The following WWOX variants were observed in gnomAD, a reference collection of about 807,000 sequenced individuals.
The protein encoded by WWOX is WW domain-containing oxidoreductase.
A neutral mutation model predicts 46.2 loss-of-function variants in WWOX; 69 were observed. That is an observed-to-expected ratio of 1.49 (90% CI 1.23 to 1.82). WWOX has a LOEUF of 1.82. Among genes scored for constraint, WWOX ranks in the 40% most tolerant of loss-of-function variants. The pLI, the probability that WWOX is intolerant of heterozygous loss-of-function variation, is 0.00. For missense variants in WWOX, 919 were observed against 542.6 expected (o/e 1.69, Z -6.89); for synonymous variants, 359 against 202.6 (o/e 1.77, Z -6.56).
intron 8 of WWOX, among the ~76,000 whole-genome samples, chr16:79,045,961 C>G (rs71398124): frequency 1.3e-5 from 2 of 151,858 alleles, no homozygotes; most frequent in Non-Finnish European, 2.9e-5. Flanking sequence ...ACCACCATGG[C>G]TGGCTAATTT....
At chr16:78,488,355 T>C (rs2084691219) in intron 8 of WWOX, among the ~76,000 whole-genome samples, 1 of 152,060 alleles carries the variant, frequency 6.6e-6, no homozygotes, top group Non-Finnish European at 1.5e-5. Context: ...CTGAGTTCAT[T>C]TTCTAGTCTA....
Position 78,790,935 on chromosome 16 carries a change from C to G in WWOX, c.1056+358183C>G, listed in dbSNP as rs553492824. Among the ~76,000 whole-genome samples, 15 of 145,928 alleles carry G rather than the reference C, an allele frequency of 1.0e-4. No individual in the cohort carries two copies. The South Asian group carries it at 3.0e-3, about 30-fold the overall frequency. On this transcript the variant is annotated intron_variant, in intron 8 of 8. Transcript: ENST00000566780. ...TCAGGAGGCTGAGGTGGGAGGATCACCTGAGCCCAGGAGATGGAGGTTGCA... is the reference window on the plus strand; with the variant it reads ...TCAGGAGGCTGAGGTGGGAGGATCAGCTGAGCCCAGGAGATGGAGGTTGCA...
chr16:78,752,085 TTGTC>T (rs1025611501), intron 8 of WWOX, among the ~76,000 whole-genome samples: 5 of 152,156 alleles, frequency 3.3e-5, no homozygotes, highest in Non-Finnish European at 1.5e-5. Flanking sequence ...TGGTAAAACT[TTGTC>T]TTTGTTTTAA....
At position 78,945,764 on chromosome 16, in the gene WWOX, G is replaced by A. The variant is rs1036909106; in HGVS notation, c.1057-265844G>A. On this transcript the variant is annotated intron_variant, in intron 8 of 8. Coordinates refer to ENST00000566780, the MANE Select transcript of WWOX (RefSeq NM_016373.4). ...GTTCCTGCAAATTGTTTTTATTTAG[G>A]GCTCATCTGGTATGTGTATTATGTT... Among the ~76,000 whole-genome samples, 7 of 151,628 alleles carry A rather than the reference G, an allele frequency of 4.6e-5. 2 individuals carry two copies. In the Middle Eastern group the frequency reaches 0.01, roughly 223 times the overall value.
At chr16:79,066,869 C>T (rs1439665453) in intron 8 of WWOX, among the ~76,000 whole-genome samples, 1 of 152,192 alleles carries the variant, frequency 6.6e-6, no homozygotes, top group Non-Finnish European at 1.5e-5. Flanking sequence ...GCCTCGATTT[C>T]ATTCCAGACT....
rs190470707 is a variant in WWOX, at chr16:78,809,060, A to G, written c.1056+376308A>G. ...TCATACCAACTGCAGCTAATGAGCT[A>G]TGGGCCCCGAGAAACACTGAGGACA... is the stretch of plus-strand genomic sequence containing the variant. On this transcript the variant is annotated intron_variant, in intron 8 of 8. Coordinates refer to ENST00000566780, the MANE Select transcript of WWOX (RefSeq NM_016373.4). Among the ~76,000 whole-genome samples, 38 of 152,226 alleles carry G rather than the reference A, an allele frequency of 2.5e-4. 1 individual carries two copies. The highest frequency in any genetic ancestry group is 5.0e-4 in the Non-Finnish European group (34 of 68,018).
chr16:78,380,015 C>T (rs536244115), intron 5 of WWOX, among the ~76,000 whole-genome samples: 53 of 152,288 alleles, frequency 3.5e-4, no homozygotes, highest in African/African-American at 1.2e-3. Context: ...GAATTTAGTC[C>T]TGTAAATGTT....
rs1567625767 is a variant in WWOX at position 79,211,944 on chromosome 16, T to G, written c.*148T>G. On this transcript the variant is annotated 3_prime_UTR_variant, in exon 9 of 9. Transcript: ENST00000566780. Reference sequence around the variant, plus strand: ...AGCAGTCACAACAGAGTGAAAAATCTTAAGTACCAATGGGAAGCAGGGAAT... The same window carrying G: ...AGCAGTCACAACAGAGTGAAAAATCGTAAGTACCAATGGGAAGCAGGGAAT... 6.5e-7 allele frequency: 1 copy of G among 1,537,268 alleles called. No homozygotes were observed. Among genetic ancestry groups the G allele is most frequent in the South Asian group, 1.2e-5 (1 of 84,200 alleles).
chr16:78,646,230 G>T (rs769709573), intron 8 of WWOX, among the ~76,000 whole-genome samples: 1 of 152,050 alleles, frequency 6.6e-6, no homozygotes, highest in Non-Finnish European at 1.5e-5. Flanking sequence ...TCTATTGCCA[G>T]GCTGATCTCG....
chr16:78,930,960 C>T (rs372243800), intron 8 of WWOX, among the ~76,000 whole-genome samples: 2 of 152,170 alleles, frequency 1.3e-5, no homozygotes, highest in Admixed American at 1.3e-4. Flanking sequence ...TGAACCTGGA[C>T]ATGTCACTAG....
intron 5 of WWOX, among the ~76,000 whole-genome samples, chr16:78,371,106 A>G (rs575886133): frequency 5.0e-4 from 76 of 151,526 alleles, no homozygotes; most frequent in African/African-American, 1.8e-3. Context: ...AGTGTGTAAC[A>G]TGATCTTTGA....
At chr16:78,273,890 C>G (rs990221198) in intron 5 of WWOX, among the ~76,000 whole-genome samples, 1 of 152,094 alleles carries the variant, frequency 6.6e-6, no homozygotes, top group African/African-American at 2.4e-5. Flanking sequence ...GTGGGGCACC[C>G]AAGTGGAAGT....
intron 8 of WWOX, among the ~76,000 whole-genome samples, chr16:78,549,326 T>C (rs1471432105): frequency 6.6e-6 from 1 of 152,348 alleles, no homozygotes; most frequent in African/African-American, 2.4e-5. Flanking sequence ...TCAACCTGAT[T>C]GAATCTGCTG....
At chr16:79,051,580 G>A (rs2048167795) in intron 8 of WWOX, among the ~76,000 whole-genome samples, 1 of 143,076 alleles carries the variant, frequency 7.0e-6, no homozygotes, top group African/African-American at 2.5e-5. Context: ...TGGGTGGGTG[G>A]GAGGGAGCGT....
intron 8 of WWOX, among the ~76,000 whole-genome samples, chr16:78,630,494 C>T (rs2046402414): frequency 6.6e-6 from 1 of 152,172 alleles, no homozygotes; most frequent in Admixed American, 6.5e-5. Flanking sequence ...AAACTGTGGA[C>T]ACTGAGTCCC....
intron 5 of WWOX, among the ~76,000 whole-genome samples, chr16:78,364,527 A>G (rs1441236635): frequency 6.6e-6 from 1 of 151,676 alleles, no homozygotes; most frequent in Non-Finnish European, 1.5e-5. Context: ...TCTCCCTGCA[A>G]CAAATAAATC....
At position 78,531,137 on chromosome 16, in the gene WWOX, A is replaced by G. The variant is rs116442212; in HGVS notation, c.1056+98385A>G. On this transcript the variant is annotated intron_variant, in intron 8 of 8. Coordinates refer to ENST00000566780, the MANE Select transcript of WWOX (RefSeq NM_016373.4). Reference sequence around the variant, plus strand: ...AGTCTTGGCATCTTTTTGGTAGAGAACCTTGCTAGGTTCTCACAATGTAGA... The same window carrying G: ...AGTCTTGGCATCTTTTTGGTAGAGAGCCTTGCTAGGTTCTCACAATGTAGA... Among the ~76,000 whole-genome samples the G allele has an allele frequency of 5.4e-3, 823 of 152,226 alleles. 10 individuals carry two copies. Among genetic ancestry groups the G allele is most frequent in the African/African-American group, 0.019 (796 of 41,534 alleles).
At chr16:79,058,172 A>G (rs2048299321) in intron 8 of WWOX, among the ~76,000 whole-genome samples, 2 of 151,730 alleles carry the variant, frequency 1.3e-5, no homozygotes, top group Admixed American at 6.6e-5. Flanking sequence ...GTTCCAGGAT[A>G]GAGTGTGTAC....
chr16:79,186,365 C>G (rs913891756), intron 8 of WWOX, among the ~76,000 whole-genome samples: 2 of 152,172 alleles, frequency 1.3e-5, no homozygotes, highest in Non-Finnish European at 2.9e-5. Context: ...CTCCTTGCTC[C>G]TCTCGCTTCC....
Sources: allele counts gnomAD v4.1 joint callset (sites outside exome capture counted in the v4.1 genomes callset), GRCh38; gene constraint gnomAD v4.1.1; transcripts MANE v1.5; gene names NCBI Gene and HGNC (gene_info 2026-07-23, HGNC 2026-07-21).